TGFB2: variants seen among roughly 807,000 people sequenced by gnomAD.
The protein encoded by TGFB2 is transforming growth factor beta 2.
In TGFB2, 13 loss-of-function variants were observed where a neutral mutation model predicts 42.7. The observed-to-expected ratio is 0.30, with a 90% CI of 0.20 to 0.48. TGFB2 has a LOEUF of 0.48. Among genes scored for constraint, TGFB2 ranks in the 20% least tolerant of loss-of-function variants. The pLI is 0.99. For missense variants in TGFB2, 390 were observed against 517.5 expected (o/e 0.75, Z 2.39); for synonymous variants, 193 against 193.6 (o/e 1.00, Z 0.03).
intron 1 of TGFB2, among the ~76,000 whole-genome samples, chr1:218,372,829 C>T (rs568130113): frequency 3.2e-4 from 49 of 152,304 alleles, no homozygotes; most frequent in African/African-American, 1.1e-3. Flanking sequence ...CAGAGTCCAA[C>T]TCCAGAAATT....
rs796274385 is a variant in TGFB2 at position 218,345,424 on chromosome 1, A to AAGAGAAAG, written c.-1266_-1259dup. Reference sequence around the variant, plus strand: ...AAAGACAGATTGAGATAGAGATAGAAAGAGAAAGAGAGAAAGAGACAGCAG... The same window carrying AAGAGAAAG: ...AAAGACAGATTGAGATAGAGATAGAAAGAGAAAGAGAGAAAGAGAGAAAGAGACAGCAG... On this transcript the variant is annotated 5_prime_UTR_variant, in exon 1 of 7. Transcript: ENST00000366930. 6.6e-6 allele frequency: 1 copy of AAGAGAAAG among 152,520 alleles called. No individual in the cohort carries two copies. The allele number at this position is 152,520 out of a possible 1,614,324, so 9.4% of individuals were successfully genotyped here. A position where few individuals can be genotyped will look rare whatever the true frequency, so the allele number is the denominator to read the frequency against.
At position 218,375,728 on chromosome 1, in the gene TGFB2, G is replaced by C. The variant is rs530578558; in HGVS notation, c.346+28681G>C. On this transcript the variant is annotated intron_variant, in intron 1 of 6. Coordinates refer to ENST00000366930, the MANE Select transcript of TGFB2 (RefSeq NM_003238.6). ...AGAAAAGTGGTACCAATTTCTGTGAGAGGAAGATAATATTGGAGATAGTAT... is the reference window on the plus strand; with the variant it reads ...AGAAAAGTGGTACCAATTTCTGTGACAGGAAGATAATATTGGAGATAGTAT... 2.1e-4 allele frequency among the ~76,000 whole-genome samples: 32 copies of C among 152,264 alleles called. No homozygotes were observed. The South Asian group carries it at 6.6e-3, about 32-fold the overall frequency.
rs570487839 is a variant in TGFB2 at position 218,361,524 on chromosome 1, T to G, written c.346+14477T>G. On this transcript the variant is annotated intron_variant, in intron 1 of 6. Transcript: ENST00000366930. The stretch of plus-strand genomic sequence containing the variant: ...TTCTGCACCACGGCGTACACTGGCC[T>G]GAAGAAGGTGCTGTTTCCCAGGAAA... 2.8e-4 allele frequency among the ~76,000 whole-genome samples: 43 copies of G among 152,284 alleles called. 1 individual carries two copies. Among genetic ancestry groups the G allele is most frequent in the Non-Finnish European group, 4.0e-4 (27 of 68,036 alleles).
chr1:218,349,143 A>G (rs1656788822), intron 1 of TGFB2, among the ~76,000 whole-genome samples: 1 of 152,176 alleles, frequency 6.6e-6, no homozygotes, highest in African/African-American at 2.4e-5. Flanking sequence ...TCCAAGATAA[A>G]TAAAATATAC....
chr1:218,364,474 G>T (rs1358937047), intron 1 of TGFB2, among the ~76,000 whole-genome samples: 3 of 152,230 alleles, frequency 2.0e-5, no homozygotes, highest in African/African-American at 7.2e-5. Context: ...AGTGGCTAAA[G>T]TTATCCCTGA....
At chr1:218,376,353 C>T (rs1193662156) in intron 1 of TGFB2, among the ~76,000 whole-genome samples, 2 of 152,222 alleles carry the variant, frequency 1.3e-5, no homozygotes, top group South Asian at 2.1e-4. Flanking sequence ...ACTTTAAGCT[C>T]TGCCTGGATG....
intron 1 of TGFB2, among the ~76,000 whole-genome samples, chr1:218,400,409 A>C (rs1200676928): frequency 6.6e-6 from 1 of 152,048 alleles, no homozygotes; most frequent in Non-Finnish European, 1.5e-5. Context: ...TGGGGACCTG[A>C]GACCCTTGCC....
intron 2 of TGFB2, 114 bp from the exon 3 acceptor site, chr1:218,433,968 T>C (rs1179965218): frequency 2.1e-6 from 3 of 1,397,106 alleles, no homozygotes; most frequent in African/African-American, 2.9e-5. Context: ...TGCATGGCTA[T>C]ACTACAGTAG....
intron 2 of TGFB2, among the ~76,000 whole-genome samples, chr1:218,430,048 C>G (rs948513309): frequency 6.6e-6 from 1 of 152,096 alleles, no homozygotes; most frequent in Non-Finnish European, 1.5e-5. Flanking sequence ...GCTGGTTACT[C>G]TGGCCAGTTA....
intron 1 of TGFB2, among the ~76,000 whole-genome samples, chr1:218,349,647 A>G (rs1656805734): frequency 1.3e-5 from 2 of 152,258 alleles, no homozygotes; most frequent in Non-Finnish European, 2.9e-5. Flanking sequence ...TCAATGAGCT[A>G]TATATCATTA....
At chr1:218,410,526 G>A (rs1462663603) in intron 2 of TGFB2, among the ~76,000 whole-genome samples, 1 of 152,098 alleles carries the variant, frequency 6.6e-6, no homozygotes, top group Non-Finnish European at 1.5e-5. Flanking sequence ...ACTCTAAATA[G>A]CATCTACTGG....
intron 1 of TGFB2, among the ~76,000 whole-genome samples, chr1:218,364,002 T>C (rs1657303518): frequency 6.6e-6 from 1 of 152,212 alleles, no homozygotes; most frequent in East Asian, 1.9e-4. Flanking sequence ...TTTTTTGCAA[T>C]ATTTTTAAAG....
intron 1 of TGFB2, among the ~76,000 whole-genome samples, chr1:218,392,127 G>A (rs866937410): frequency 5.9e-5 from 9 of 152,100 alleles, no homozygotes; most frequent in Non-Finnish European, 1.0e-4. Context: ...CAAGGTGGGC[G>A]GATCACAAGG....
intron 5 of TGFB2, 24 bp from the exon 6 acceptor site, chr1:218,437,319 G>GC: frequency 7.6e-7 from 1 of 1,313,000 alleles, no homozygotes; most frequent in African/African-American, 1.7e-5. Context: ...AATCTCCATT[G>GC]CTTTTTTTTT....
intron 1 of TGFB2, among the ~76,000 whole-genome samples, chr1:218,361,956 C>T (rs866836569): frequency 6.6e-6 from 1 of 152,212 alleles, no homozygotes; most frequent in African/African-American, 2.4e-5. Context: ...GTTGGGTCTT[C>T]GTCTTCCATG....
chr1:218,428,094 G>A (rs1392031393), intron 2 of TGFB2, among the ~76,000 whole-genome samples: 2 of 152,312 alleles, frequency 1.3e-5, no homozygotes, highest in East Asian at 1.9e-4. Context: ...GTGATGATGA[G>A]CATTTTTTCA....
Position 218,440,997 on chromosome 1 carries a change from G to A in TGFB2, c.1087-207G>A, listed in dbSNP as rs10482838. Among the ~76,000 whole-genome samples, 2,387 of 152,268 alleles carry A rather than the reference G, an allele frequency of 0.016. 53 individuals are homozygous for A. The highest frequency in any genetic ancestry group is 0.053 in the African/African-American group (2,207 of 41,536). ...CATTTGCTTAAGATGTGTGGAAAACGAGTTCCGTGTGGGAAAATAATGACT... is the reference window on the plus strand; with the variant it reads ...CATTTGCTTAAGATGTGTGGAAAACAAGTTCCGTGTGGGAAAATAATGACT... On this transcript the variant is annotated intron_variant, in intron 6 of 6. Transcript: ENST00000366930.
intron 1 of TGFB2, among the ~76,000 whole-genome samples, chr1:218,364,000 A>G (rs988432161): frequency 4.6e-5 from 7 of 152,126 alleles, no homozygotes; most frequent in African/African-American, 1.7e-4. Flanking sequence ...TTTTTTTTGC[A>G]ATATTTTTAA....
chr1:218,414,254 C>T (rs547809506), intron 2 of TGFB2, among the ~76,000 whole-genome samples: 15 of 149,084 alleles, frequency 1.0e-4, no homozygotes, highest in East Asian at 5.8e-4. Context: ...CACACACACA[C>T]GCACACACGG....
Sources: gnomAD v4.1 joint callset for allele counts (sites outside exome capture counted in the v4.1 genomes callset) on GRCh38, gnomAD v4.1.1 for gene constraint, MANE v1.5 for transcripts, NCBI Gene and HGNC (gene_info 2026-07-23, HGNC 2026-07-21) for gene names.